SYN3: variants seen among roughly 807,000 people sequenced by gnomAD.
The protein encoded by SYN3 is synapsin-3.
Under a neutral mutation model 65.8 loss-of-function variants are expected in SYN3, and 35 were observed. That is an observed-to-expected ratio of 0.53 (90% CI 0.41 to 0.70). The LOEUF (loss-of-function observed/expected upper bound fraction) is 0.70, where lower values mean the gene tolerates loss of function less well. Ranked by LOEUF, SYN3 falls within the 30% of genes least tolerant of loss-of-function variation. SYN3 has a pLI of 0.00. For missense variants in SYN3, 680 were observed against 749.0 expected (o/e 0.91, Z 1.08); for synonymous variants, 270 against 292.9 (o/e 0.92, Z 0.80).
At chr22:32,805,212 T>C (rs1469040787) in intron 6 of SYN3, among the ~76,000 whole-genome samples, 1 of 152,116 alleles carries the variant, frequency 6.6e-6, no homozygotes, top group Non-Finnish European at 1.5e-5. Context: ...TCTGAGCCTG[T>C]TGGGAATTTG....
intron 4 of SYN3, among the ~76,000 whole-genome samples, chr22:32,891,399 T>C (rs1385165512): frequency 6.6e-6 from 1 of 152,204 alleles, no homozygotes; most frequent in Non-Finnish European, 1.5e-5. Context: ...CCATGGCTTC[T>C]GAATCCTGTC....
At chr22:32,771,910 G>T (rs1335420591) in intron 6 of SYN3, among the ~76,000 whole-genome samples, 3 of 152,186 alleles carry the variant, frequency 2.0e-5, no homozygotes, top group Non-Finnish European at 2.9e-5. Flanking sequence ...GGGAGAGGGA[G>T]TACATTTCTT....
chr22:32,695,029 C>G (rs9621536), intron 6 of SYN3, among the ~76,000 whole-genome samples: 1 of 152,122 alleles, frequency 6.6e-6, no homozygotes, highest in Admixed American at 6.5e-5. Context: ...ACTGAACATT[C>G]TCCGTCAAAG....
chr22:32,985,981 C>T (rs2052513554), intron 2 of SYN3, among the ~76,000 whole-genome samples: 3 of 152,050 alleles, frequency 2.0e-5, no homozygotes, highest in African/African-American at 7.2e-5. Flanking sequence ...ACAACCATTC[C>T]AGCCCTTACC....
Position 32,754,039 on chromosome 22 carries a change from G to A in SYN3, c.711+110876C>T, listed in dbSNP as rs370888810. ...CCATCCTTTCTCATAACCACTCGAA[G>A]TCCCCGGACCATGGTGGTGGTCCAC... On this transcript the variant is annotated intron_variant, in intron 6 of 13. Transcript: ENST00000358763. Among the ~76,000 whole-genome samples, 13 of 152,196 alleles carry A rather than the reference G, an allele frequency of 8.5e-5. No individual in the cohort carries two copies. The East Asian group carries it at 1.3e-3, about 16-fold the overall frequency.
At chr22:32,590,705 G>T (rs1265438026) in intron 7 of SYN3, among the ~76,000 whole-genome samples, 2 of 151,988 alleles carry the variant, frequency 1.3e-5, no homozygotes, top group African/African-American at 4.8e-5. Flanking sequence ...TTTAATTTTG[G>T]CTATTCTCGT....
chr22:32,515,127 C>T (rs1046129842), intron 13 of SYN3, among the ~76,000 whole-genome samples: 1 of 152,114 alleles, frequency 6.6e-6, no homozygotes, highest in Non-Finnish European at 1.5e-5. Context: ...TAGGTAAATT[C>T]AGTAAATACC....
intron 4 of SYN3, among the ~76,000 whole-genome samples, chr22:32,884,052 C>T (rs1449282884): frequency 3.3e-5 from 5 of 152,220 alleles, no homozygotes; most frequent in African/African-American, 4.8e-5. Context: ...CTTTCCCCTG[C>T]TAGGTGGGAC....
chr22:32,620,326 T>A (rs1187635282), intron 6 of SYN3, among the ~76,000 whole-genome samples: 4 of 152,226 alleles, frequency 2.6e-5, no homozygotes, highest in Non-Finnish European at 5.9e-5. Flanking sequence ...ACTTTTTTTT[T>A]AATACATATA....
At position 32,820,353 on chromosome 22, in the gene SYN3, CGTGT is replaced by C. The variant is rs35230068; in HGVS notation, c.711+44558_711+44561del. ...CTCTGCTCATCCACCCATTCCACTG[CGTGT>C]GTGTGTGTGTGTGTGTGTGTGGTGT... On this transcript the variant is annotated intron_variant, in intron 6 of 13. Coordinates refer to ENST00000358763, the MANE Select transcript of SYN3 (RefSeq NM_003490.4). Among the ~76,000 whole-genome samples the C allele has an allele frequency of 6.8e-3, 965 of 141,780 alleles. 13 individuals are homozygous for C. The highest frequency in any genetic ancestry group is 0.022 in the African/African-American group (832 of 38,134). The allele number at this position is 141,780 out of a possible 152,430, so 93.0% of individuals were successfully genotyped here.
intron 3 of SYN3, among the ~76,000 whole-genome samples, chr22:32,953,428 G>C (rs539787214): frequency 5.9e-5 from 9 of 151,900 alleles, no homozygotes; most frequent in Admixed American, 1.3e-4. Context: ...AGAAGACAGA[G>C]TGCCAGAAGT....
At position 32,596,666 on chromosome 22, in the gene SYN3, T is replaced by G; in HGVS notation, c.774+8A>C. 1 of 1,613,836 alleles carries G rather than the reference T, an allele frequency of 6.2e-7. No homozygotes were observed. Among genetic ancestry groups the G allele is most frequent in the Non-Finnish European group, 8.5e-7 (1 of 1,179,850 alleles). On this transcript the variant is annotated splice_region_variant and intron_variant, in intron 7 of 13. Coordinates refer to ENST00000358763, the MANE Select transcript of SYN3 (RefSeq NM_003490.4). ...GTCCACTGTGAGTGGAAGGGCTGTT[T>G]CTCATACCTTTCCCATTCCAGCGTG...
chr22:32,518,961 G>A (rs747480837), intron 12 of SYN3, among the ~76,000 whole-genome samples: 18 of 152,158 alleles, frequency 1.2e-4, no homozygotes, highest in Non-Finnish European at 1.9e-4. Flanking sequence ...CCTTATAAGA[G>A]GAGAAAGAAA....
chr22:32,849,677 G>A (rs2048164888), intron 6 of SYN3: 2 of 779,092 alleles, frequency 2.6e-6, no homozygotes, highest in Non-Finnish European at 4.5e-6. Flanking sequence ...GCTGGAGAGG[G>A]AGCTGCTAAG....
At chr22:32,847,540 A>G (rs2048102732) in intron 6 of SYN3, among the ~76,000 whole-genome samples, 1 of 152,212 alleles carries the variant, frequency 6.6e-6, no homozygotes, top group Non-Finnish European at 1.5e-5. Flanking sequence ...GTAGGATCCA[A>G]GCTCATTTGG....
chr22:32,653,170 G>A (rs889193203), intron 6 of SYN3, among the ~76,000 whole-genome samples: 2 of 151,634 alleles, frequency 1.3e-5, no homozygotes, highest in African/African-American at 4.9e-5. Flanking sequence ...TGGTTTTCTT[G>A]AGGCTGAAGC....
chr22:32,601,773 C>T (rs1244329693), intron 6 of SYN3, among the ~76,000 whole-genome samples: 1 of 152,026 alleles, frequency 6.6e-6, no homozygotes. Context: ...GTTCTGGAAC[C>T]GGGGAGCGAC....
At chr22:32,828,617 G>A (rs761186368) in intron 6 of SYN3, among the ~76,000 whole-genome samples, 20 of 152,212 alleles carry the variant, frequency 1.3e-4, no homozygotes, top group Non-Finnish European at 1.5e-4. Flanking sequence ...AACAGGCCCA[G>A]GGACAGGAAG....
intron 7 of SYN3, among the ~76,000 whole-genome samples, chr22:32,580,030 G>T (rs1368776962): frequency 6.6e-6 from 1 of 152,260 alleles, no homozygotes; most frequent in Non-Finnish European, 1.5e-5. Flanking sequence ...TGCTCATTGT[G>T]TAGGGCAAAG....
Sources: allele counts gnomAD v4.1 joint callset (sites outside exome capture counted in the v4.1 genomes callset), GRCh38; gene constraint gnomAD v4.1.1; transcripts MANE v1.5; gene names NCBI Gene and HGNC (gene_info 2026-07-23, HGNC 2026-07-21).